Variants in NELL2 observed in about 807,000 individuals in gnomAD.
NELL2 encodes protein kinase C-binding protein NELL2.
In NELL2, 41 loss-of-function variants were observed where a neutral mutation model predicts 109.6. That is an observed-to-expected ratio of 0.37 (90% confidence interval 0.29 to 0.49). The LOEUF (loss-of-function observed/expected upper bound fraction) is 0.49. NELL2 is among the 20% of genes least tolerant of loss of function. NELL2 has a pLI of 0.98. For missense variants in NELL2, 900 were observed against 1,008.3 expected, an observed-to-expected ratio of 0.89 and a Z score of 1.45; for synonymous variants, 355 against 344.7, an observed-to-expected ratio of 1.03 and a Z score of -0.33.
At chr12:44,719,336 G>A (rs1938649123) in intron 9 of NELL2, among the ~76,000 whole-genome samples, 1 of 152,168 alleles carries the variant, frequency 6.6e-6, no homozygotes, top group South Asian at 2.1e-4. Flanking sequence ...GGCAACTGCA[G>A]TTTCCTCTAA....
intron 1 of NELL2, among the ~76,000 whole-genome samples, chr12:44,889,363 T>C (rs1168751431): frequency 6.6e-6 from 1 of 152,004 alleles, no homozygotes; most frequent in Non-Finnish European, 1.5e-5. Context: ...TATGCATTAG[T>C]CTTCAAGAGC....
intron 1 of NELL2, among the ~76,000 whole-genome samples, chr12:44,897,818 G>A (rs1488136645): frequency 6.6e-6 from 1 of 151,896 alleles, no homozygotes; most frequent in Non-Finnish European, 1.5e-5. Flanking sequence ...AAGTGGACTT[G>A]CTCAGTGGAT....
intron 15 of NELL2, among the ~76,000 whole-genome samples, chr12:44,534,986 G>A (rs894927693): frequency 3.3e-5 from 5 of 151,644 alleles, no homozygotes; most frequent in South Asian, 4.2e-4. Flanking sequence ...CTCCTTTACC[G>A]GGCCCACTCC....
chr12:44,807,769 T>G (rs1396001449), intron 3 of NELL2, among the ~76,000 whole-genome samples: 1 of 152,020 alleles, frequency 6.6e-6, no homozygotes, highest in Non-Finnish European at 1.5e-5. Flanking sequence ...TCACCTTTCC[T>G]GCCATTTATA....
chr12:44,915,201 A>G (rs777939532), upstream of NELL2, among the ~76,000 whole-genome samples: 10 of 152,204 alleles, frequency 6.6e-5, no homozygotes, highest in Non-Finnish European at 1.2e-4. Context: ...TTGGAAAAGC[A>G]TAAAGACAAA....
At chr12:44,531,425 C>G (rs1449236988) in intron 16 of NELL2, among the ~76,000 whole-genome samples, 1 of 152,150 alleles carries the variant, frequency 6.6e-6, no homozygotes, top group Non-Finnish European at 1.5e-5. Flanking sequence ...TGGAAATGTT[C>G]ACTCTGGAAC....
At chr12:44,528,117 AAAAAAAAAAAG>A (rs1373640415) in intron 16 of NELL2, among the ~76,000 whole-genome samples, 1 of 149,246 alleles carries the variant, frequency 6.7e-6, no homozygotes, top group African/African-American at 2.5e-5. Context: ...AAAAAAAAAA[AAAAAAAAAAAG>A]AATCCTTCAG....
chr12:44,734,871 C>A (rs1268344072), intron 9 of NELL2, among the ~76,000 whole-genome samples: 10 of 151,846 alleles, frequency 6.6e-5, no homozygotes, highest in Admixed American at 6.6e-4. Flanking sequence ...CAGCTTTTTA[C>A]TTTTTAGAAA....
chr12:44,746,249 A>G (rs544538072), intron 9 of NELL2, among the ~76,000 whole-genome samples: 2 of 152,372 alleles, frequency 1.3e-5, no homozygotes, highest in East Asian at 3.9e-4. Context: ...AGCCATATGT[A>G]GAAAGCTGAA....
chr12:44,914,579 T>C (rs1945812330), upstream of NELL2, among the ~76,000 whole-genome samples: 1 of 152,228 alleles, frequency 6.6e-6, no homozygotes, highest in African/African-American at 2.4e-5. Context: ...CATATTTATC[T>C]CATTGTGTCT....
intron 12 of NELL2, among the ~76,000 whole-genome samples, chr12:44,671,847 A>T (rs1227143164): frequency 6.6e-6 from 1 of 152,236 alleles, no homozygotes; most frequent in African/African-American, 2.4e-5. Flanking sequence ...TCTGAAAGCC[A>T]TAGTAGGAGT....
intron 9 of NELL2, among the ~76,000 whole-genome samples, chr12:44,719,211 G>A (rs1938642147): frequency 6.6e-6 from 1 of 152,166 alleles, no homozygotes; most frequent in Admixed American, 6.5e-5. Flanking sequence ...GTTAAAAAGT[G>A]AAAGGTAATT....
chr12:44,604,825 A>G (rs1288263823), intron 15 of NELL2, among the ~76,000 whole-genome samples: 1 of 152,110 alleles, frequency 6.6e-6, no homozygotes, highest in Non-Finnish European at 1.5e-5. Flanking sequence ...GTGCTCTGTT[A>G]TTCTGTGGAT....
intron 12 of NELL2, among the ~76,000 whole-genome samples, chr12:44,688,506 T>C (rs1043766413): frequency 6.6e-6 from 1 of 152,190 alleles, no homozygotes; most frequent in South Asian, 2.1e-4. Flanking sequence ...CCTAACAACC[T>C]CATAAGAAAA....
intron 19 of NELL2, among the ~76,000 whole-genome samples, chr12:44,514,671 T>C (rs1393169824): frequency 4.6e-5 from 7 of 151,490 alleles, no homozygotes; most frequent in Non-Finnish European, 8.9e-5. Context: ...CTTGGAGTCT[T>C]GGAACGTATA....
chr12:44,892,839 G>C (rs1019331851), intron 1 of NELL2, among the ~76,000 whole-genome samples: 1 of 147,162 alleles, frequency 6.8e-6, no homozygotes, highest in East Asian at 2.0e-4. Flanking sequence ...TTCAACATTA[G>C]TAAGGAGCAC....
intron 3 of NELL2, among the ~76,000 whole-genome samples, chr12:44,793,373 T>C (rs1185031360): frequency 6.6e-6 from 1 of 152,206 alleles, no homozygotes; most frequent in African/African-American, 2.4e-5. Flanking sequence ...AGTTCTATAA[T>C]AATAAAGTGT....
chr12:44,551,343 A>G (rs947357085), intron 15 of NELL2, among the ~76,000 whole-genome samples: 3 of 152,118 alleles, frequency 2.0e-5, no homozygotes, highest in African/African-American at 7.2e-5. Flanking sequence ...ATGCATGTTA[A>G]TTTTTCCAGA....
chr12:44,767,058 G>T (rs1159839920), intron 9 of NELL2, among the ~76,000 whole-genome samples: 1 of 152,082 alleles, frequency 6.6e-6, no homozygotes, highest in Non-Finnish European at 1.5e-5. Flanking sequence ...ATGCCTTAGA[G>T]CCAGAGGACA....
Sources: allele counts gnomAD v4.1 joint callset (sites outside exome capture counted in the v4.1 genomes callset), GRCh38; gene constraint gnomAD v4.1.1; transcripts MANE v1.5; gene names NCBI Gene and HGNC (gene_info 2026-07-23, HGNC 2026-07-21).